ATP8B4: variants seen among roughly 807,000 people sequenced by gnomAD.
ATP8B4 encodes the protein ATPase phospholipid transporting 8B4 (putative), also known as probable phospholipid-transporting ATPase IM.
In ATP8B4, 133 loss-of-function variants were observed where a neutral mutation model predicts 145.6. That is an observed-to-expected ratio of 0.91 (90% CI 0.79 to 1.05). The LOEUF is 1.05. ATP8B4 is among the 50% of genes least tolerant of loss of function. The probability of loss-of-function intolerance (pLI) is 0.00; values close to 1 mark genes in which losing one functional copy is unlikely to be tolerated. For synonymous variants in ATP8B4, 507 were observed against 492.9 expected, an observed-to-expected ratio of 1.03 and a Z score of -0.38; for missense variants, 1,458 against 1,425.2, an observed-to-expected ratio of 1.02 and a Z score of -0.37.
intron 1 of ATP8B4, among the ~76,000 whole-genome samples, chr15:50,181,000 G>C (rs1032779476): frequency 1.3e-5 from 2 of 152,100 alleles, no homozygotes; most frequent in Admixed American, 6.6e-5. Flanking sequence ...CTAAGAGTTG[G>C]TTCCCCGGGA....
In ATP8B4 at chr15:50,010,835, G is replaced by C. The variant is rs753103547; in HGVS notation, c.435+10C>G. ...TGAGATAAATTATTCAAACAATATT[G>C]AATACTTACAGCAACAAATTGGTTA... On this transcript the variant is annotated intron_variant, in intron 7 of 27. Transcript: ENST00000284509. The C allele has an allele frequency of 3.3e-6, 5 of 1,499,916 alleles. No homozygotes were observed. In the Admixed American group the frequency reaches 1.1e-4, roughly 32 times the overall value. The allele number at this position is 1,499,916 out of a possible 1,614,324, so 92.9% of individuals were successfully genotyped here.
At chr15:50,110,870 A>G (rs989547595) in intron 1 of ATP8B4, among the ~76,000 whole-genome samples, 9 of 151,958 alleles carry the variant, frequency 5.9e-5, no homozygotes, top group Non-Finnish European at 7.4e-5. Flanking sequence ...AGCAGTGCAT[A>G]TTTGTTTTAA....
At chr15:50,053,457 C>T (rs1382854904) in intron 3 of ATP8B4, among the ~76,000 whole-genome samples, 1 of 152,214 alleles carries the variant, frequency 6.6e-6, no homozygotes, top group Non-Finnish European at 1.5e-5. Flanking sequence ...AGCCTGCTGC[C>T]ACTTTCTTAC....
chr15:49,939,829 A>C (rs2042022252), intron 14 of ATP8B4, among the ~76,000 whole-genome samples: 1 of 152,144 alleles, frequency 6.6e-6, no homozygotes, highest in Non-Finnish European at 1.5e-5. Flanking sequence ...TATCAGAGAA[A>C]TTCAAATCAA....
rs774651858 is a variant in ATP8B4, at chr15:49,918,880, A to G, written c.1994T>C (p.Leu665Pro). ...GVIETVTSLS[L>P]ANIKIWVLTG... ...TAGGACCCAGATCTTAATATTGGCT[A>G]GTGATAAACTTGTAACTGTTTCAAT... The change falls in exon 19 of 28, where the codon CTA becomes CCA. Residue 665 changes from leucine to proline, a missense_variant. Leu to Pro is a moderately conservative substitution (Grantham distance 98). Transcript: ENST00000284509. The G allele has an allele frequency of 6.2e-7, 1 of 1,613,394 alleles. No homozygotes were observed.
chr15:49,932,642 G>A (rs770361596), intron 15 of ATP8B4, among the ~76,000 whole-genome samples: 2 of 152,012 alleles, frequency 1.3e-5, no homozygotes, highest in African/African-American at 4.8e-5. Flanking sequence ...GAACACTTAA[G>A]GGATTAAAGA....
Position 50,151,136 on chromosome 15 carries a change from T to C in ATP8B4, c.-43+31125A>G, listed in dbSNP as rs1449734569. Among the ~76,000 whole-genome samples, 5 of 152,352 alleles carry C rather than the reference T, an allele frequency of 3.3e-5. No homozygotes were observed. The East Asian group carries it at 5.8e-4, about 18-fold the overall frequency. On this transcript the variant is annotated intron_variant, in intron 1 of 3. Coordinates refer to the ATP8B4 transcript ENST00000558829. ...TCAGGAATGGAGCATTTTCAATTTTTAGCAATTCCATGAAAGAAAGTTGGA... is the reference window on the plus strand; with the variant it reads ...TCAGGAATGGAGCATTTTCAATTTTCAGCAATTCCATGAAAGAAAGTTGGA...
At chr15:50,043,151 A>G (rs1381413907) in intron 5 of ATP8B4, among the ~76,000 whole-genome samples, 1 of 152,192 alleles carries the variant, frequency 6.6e-6, no homozygotes, top group African/African-American at 2.4e-5. Flanking sequence ...TAAACCTGTA[A>G]CTCATTGGCA....
chr15:49,933,525 C>T (rs2153468917), intron 15 of ATP8B4, among the ~76,000 whole-genome samples: 1 of 152,144 alleles, frequency 6.6e-6, no homozygotes, highest in South Asian at 2.1e-4. Context: ...ATAATGGAGC[C>T]TAAATAAGAC....
chr15:50,166,599 G>T (rs190249929), intron 1 of ATP8B4, among the ~76,000 whole-genome samples: 2 of 152,248 alleles, frequency 1.3e-5, no homozygotes, highest in African/African-American at 4.8e-5. Flanking sequence ...CAGCTGACTG[G>T]ACCAGGACCA....
chr15:49,879,439 G>C lies in ATP8B4; in HGVS notation c.2718C>G (p.Phe906Leu). 1.2e-6 allele frequency: 2 copies of C among 1,611,500 alleles called. No homozygotes were observed. The highest frequency in any genetic ancestry group is 1.7e-6 in the Non-Finnish European group (2 of 1,178,092). ...FSAQTVYDQW[F>L]ITLFNIVYTS... ...TGTAAACAATGTTAAAAAGGGTGAT[G>C]AACCACTGGTCATAAACAGTCTGAA... Residue 906 changes from phenylalanine (F) to leucine (L), a missense_variant, in exon 24 of 28, where the codon TTC becomes TTG. Physicochemically the swap from Phe to Leu is conservative, Grantham distance 22 (BLOSUM62 0). Coordinates refer to ENST00000284509, the MANE Select transcript of ATP8B4 (RefSeq NM_024837.4).
chr15:49,860,153 T>C lies in ATP8B4; in HGVS notation c.*41A>G, dbSNP rs1566880106. On this transcript the variant is annotated 3_prime_UTR_variant, in exon 28 of 28. Transcript: ENST00000284509. ...GAGCCAGCAGAATTTCAGCTCCACC[T>C]GAAGTGAAAAGATAACTACGTGGTT... The C allele has an allele frequency of 1.3e-6, 2 of 1,557,336 alleles. No individual in the cohort carries two copies. The highest frequency in any genetic ancestry group is 2.5e-5 in the South Asian group (2 of 80,426).
intron 8 of ATP8B4, among the ~76,000 whole-genome samples, chr15:49,999,306 T>A (rs2047693552): frequency 6.8e-6 from 1 of 146,414 alleles, no homozygotes; most frequent in East Asian, 2.0e-4. Context: ...ACACCGCATA[T>A]TCTCACTCAT....
At chr15:49,894,609 A>G (rs1480105230) in intron 23 of ATP8B4, among the ~76,000 whole-genome samples, 1 of 152,182 alleles carries the variant, frequency 6.6e-6, no homozygotes, top group Admixed American at 6.5e-5. Flanking sequence ...ATATTAACAC[A>G]ACTGAGAAAA....
At chr15:50,049,195 T>C (rs2051975128) in intron 3 of ATP8B4, among the ~76,000 whole-genome samples, 2 of 152,246 alleles carry the variant, frequency 1.3e-5, no homozygotes, top group African/African-American at 4.8e-5. Context: ...GTACTGTCTC[T>C]TGGTTGAAAT....
chr15:49,945,323 G>A (rs773724222), intron 14 of ATP8B4, among the ~76,000 whole-genome samples: 1 of 152,054 alleles, frequency 6.6e-6, no homozygotes, highest in Non-Finnish European at 1.5e-5. Context: ...AAAATAGAAA[G>A]TCTAAGCATA....
At chr15:50,007,452 C>A (rs995273586) in intron 7 of ATP8B4, among the ~76,000 whole-genome samples, 1 of 152,180 alleles carries the variant, frequency 6.6e-6, no homozygotes, top group Non-Finnish European at 1.5e-5. Context: ...GTCCCATTGG[C>A]GAGCTGTTTG....
intron 13 of ATP8B4, among the ~76,000 whole-genome samples, chr15:49,966,390 G>A (rs2044542940): frequency 6.6e-6 from 1 of 152,212 alleles, no homozygotes; most frequent in Non-Finnish European, 1.5e-5. Context: ...CTCACTGCCA[G>A]CACAGCAGTC....
chr15:50,083,039 T>C (rs2054657352), intron 2 of ATP8B4, among the ~76,000 whole-genome samples: 1 of 152,136 alleles, frequency 6.6e-6, no homozygotes. Flanking sequence ...TGTGCCTTGG[T>C]CCAAAGGTCA....
Sources: allele counts gnomAD v4.1 joint callset (sites outside exome capture counted in the v4.1 genomes callset), GRCh38; gene constraint gnomAD v4.1.1; transcripts MANE v1.5; gene names NCBI Gene and HGNC (gene_info 2026-07-23, HGNC 2026-07-21).